The following SGCD variants were observed in gnomAD, a reference collection of about 807,000 sequenced individuals.
SGCD encodes the protein sarcoglycan delta, also known as delta-sarcoglycan.
A neutral mutation model predicts 36.6 loss-of-function variants in SGCD; 18 were observed. That is an observed-to-expected ratio of 0.49 (90% CI 0.34 to 0.73). SGCD has a LOEUF of 0.73. SGCD is among the 30% of genes least tolerant of loss of function. The pLI is 0.01. For synonymous variants in SGCD, 133 were observed against 130.6 expected (o/e 1.02, Z -0.12); for missense variants, 387 against 346.7 (o/e 1.12, Z -0.92).
chr5:156,589,535 G>T (rs1189227122), intron 5 of SGCD, among the ~76,000 whole-genome samples: 1 of 152,082 alleles, frequency 6.6e-6, no homozygotes, highest in Non-Finnish European at 1.5e-5. Context: ...CTACTTAGTG[G>T]GGTAAGAAAA....
chr5:155,751,138 G>A, the SGCD span, among the ~76,000 whole-genome samples: 1 of 152,192 alleles, frequency 6.6e-6, no homozygotes, highest in South Asian at 2.1e-4. Context: ...GGTTGAATAT[G>A]CACACAAGTG....
chr5:156,604,460 GC>G (rs1331933398), intron 6 of SGCD, among the ~76,000 whole-genome samples: 3 of 151,782 alleles, frequency 2.0e-5, no homozygotes, highest in African/African-American at 7.2e-5. Flanking sequence ...TTTCTGTGGT[GC>G]TAAGATTTGT....
chr5:156,474,675 C>A (rs1215222797), intron 3 of SGCD, among the ~76,000 whole-genome samples: 1 of 152,132 alleles, frequency 6.6e-6, no homozygotes, highest in Non-Finnish European at 1.5e-5. Context: ...AGAGATGTGC[C>A]TGCTCTAATT....
At chr5:156,285,594 A>T (rs1241753963) in intron 3 of SGCD, among the ~76,000 whole-genome samples, 1 of 152,224 alleles carries the variant, frequency 6.6e-6, no homozygotes, top group Non-Finnish European at 1.5e-5. Flanking sequence ...TATTTAATAA[A>T]TGGTACTGGG....
At chr5:155,811,112 C>T in the SGCD span, among the ~76,000 whole-genome samples, 2 of 152,044 alleles carry the variant, frequency 1.3e-5, no homozygotes, top group Admixed American at 6.6e-5. Context: ...CCACCGCGCC[C>T]GGCCTAGTGT....
chr5:156,042,187 A>ATT lies in SGCD; in HGVS notation c.-281-75680_-281-75679dup, dbSNP rs397882265. Among the ~76,000 whole-genome samples the ATT allele has an allele frequency of 4.1e-4, 60 of 147,124 alleles. No individual in the cohort carries two copies. The Middle Eastern group carries it at 0.01, about 26-fold the overall frequency. ...GAATTTATAAGTAATTAAAATAGGTATTTTTTTTTTTTGTCGATAGAAGAA... is the reference window on the plus strand; with the variant it reads ...GAATTTATAAGTAATTAAAATAGGTATTTTTTTTTTTTTTGTCGATAGAAGAA... On this transcript the variant is annotated intron_variant, in intron 1 of 9. Coordinates refer to the SGCD transcript ENST00000517913.
the SGCD span, among the ~76,000 whole-genome samples, chr5:155,754,512 T>C: frequency 1.3e-5 from 2 of 151,432 alleles, no homozygotes; most frequent in African/African-American, 4.9e-5. Context: ...CATGGAGGAG[T>C]AGGAGGAATG....
At chr5:156,345,251 T>G (rs1262793084) in intron 3 of SGCD, among the ~76,000 whole-genome samples, 1 of 152,108 alleles carries the variant, frequency 6.6e-6, no homozygotes, top group Non-Finnish European at 1.5e-5. Flanking sequence ...TTTTTTTTTT[T>G]AAGAATTGAT....
At chr5:155,866,613 A>G (rs1350545374), upstream of SGCD, among the ~76,000 whole-genome samples, 1 of 152,160 alleles carries the variant, frequency 6.6e-6, no homozygotes, top group African/African-American at 2.4e-5. Flanking sequence ...TACAGCTACA[A>G]CTGCTGCTGC....
At chr5:156,347,005 G>T (rs1768988142) in intron 3 of SGCD, among the ~76,000 whole-genome samples, 1 of 151,944 alleles carries the variant, frequency 6.6e-6, no homozygotes, top group Admixed American at 6.5e-5. Context: ...CACTGTGTTA[G>T]CAAGGATGGT....
rs188921802 is a variant in SGCD, at chr5:156,536,230, A to G, written c.294+27528A>G. Reference sequence around the variant, plus strand: ...TCCTGACATTCTTATAAGGTCGTTTATATTATCTCCTTTTACAGGTGAAAA... The same window carrying G: ...TCCTGACATTCTTATAAGGTCGTTTGTATTATCTCCTTTTACAGGTGAAAA... On this transcript the variant is annotated intron_variant, in intron 4 of 8. Transcript: ENST00000337851. Among the ~76,000 whole-genome samples, 256 of 152,204 alleles carry G rather than the reference A, an allele frequency of 1.7e-3. 1 individual carries two copies. Among genetic ancestry groups the G allele is most frequent in the Middle Eastern group, 3.4e-3 (1 of 294 alleles).
At chr5:156,025,895 C>T (rs143063053) in intron 1 of SGCD, among the ~76,000 whole-genome samples, 53 of 152,292 alleles carry the variant, frequency 3.5e-4, no homozygotes, top group African/African-American at 1.2e-3. Context: ...TTAAACATTC[C>T]ATTGGCCCTT....
rs112678434 is a variant in SGCD at position 156,761,538 on chromosome 5, T to G, written c.*2148T>G. 99 of 152,310 alleles carry G rather than the reference T, an allele frequency of 6.5e-4. 1 individual carries two copies. Among genetic ancestry groups the G allele is most frequent in the African/African-American group, 2.3e-3 (94 of 41,568 alleles). 9.4% of individuals were successfully genotyped at this position (152,310 alleles called of 1,614,324 possible). The stretch of plus-strand genomic sequence containing the variant: ...TTTCCAAGCCAGGAAACGCCCTCCT[T>G]GGCTACTAGGAGCACCTATCCCATA... On this transcript the variant is annotated 3_prime_UTR_variant, in exon 9 of 9. Transcript: ENST00000337851.
intron 1 of SGCD, among the ~76,000 whole-genome samples, chr5:156,042,405 G>A (rs1305778783): frequency 1.3e-5 from 2 of 152,170 alleles, no homozygotes; most frequent in Non-Finnish European, 2.9e-5. Flanking sequence ...ATGCTTAACA[G>A]TGAGTGTAAC....
chr5:156,091,591 C>T (rs1231245708), intron 1 of SGCD, among the ~76,000 whole-genome samples: 2 of 152,126 alleles, frequency 1.3e-5, no homozygotes, highest in African/African-American at 4.8e-5. Context: ...CTGACAGGTC[C>T]AGCCTCCTGG....
the SGCD span, among the ~76,000 whole-genome samples, chr5:155,774,875 A>C: frequency 6.6e-6 from 1 of 152,170 alleles, no homozygotes; most frequent in Non-Finnish European, 1.5e-5. Context: ...AGCTTTCCAC[A>C]GACCCCTACC....
intron 3 of SGCD, among the ~76,000 whole-genome samples, chr5:156,298,621 C>G (rs1766967006): frequency 7.0e-6 from 1 of 142,134 alleles, no homozygotes; most frequent in Admixed American, 7.2e-5. Flanking sequence ...CTCTTGTTGC[C>G]CAGGCTGGAG....
At chr5:156,697,953 G>A (rs1754385462) in intron 7 of SGCD, among the ~76,000 whole-genome samples, 1 of 152,214 alleles carries the variant, frequency 6.6e-6, no homozygotes, top group Admixed American at 6.5e-5. Flanking sequence ...AGGGGAGGAA[G>A]TCACAACTCA....
chr5:155,788,519 A>G, the SGCD span, among the ~76,000 whole-genome samples: 6,851 of 152,240 alleles, frequency 0.045, 332 homozygotes, highest in African/African-American at 0.12. Flanking sequence ...TAGAATTCTT[A>G]TAATTTGAAT....
Sources: gnomAD v4.1 joint callset for allele counts (sites outside exome capture counted in the v4.1 genomes callset) on GRCh38, gnomAD v4.1.1 for gene constraint, MANE v1.5 for transcripts, NCBI Gene and HGNC (gene_info 2026-07-23, HGNC 2026-07-21) for gene names.